The following WDR38 variants were observed in gnomAD, a reference collection of about 807,000 sequenced individuals.
WDR38 encodes the protein WD repeat domain 38, also known as WD repeat-containing protein 38.
A neutral mutation model predicts 36.6 loss-of-function variants in WDR38; 37 were observed. The observed-to-expected ratio is 1.01, with a 90% CI of 0.78 to 1.33. WDR38 has a LOEUF of 1.33. WDR38 is among the 40% of genes most tolerant of loss of function. The probability of loss-of-function intolerance (pLI) is 0.00; values close to 1 mark genes in which losing one functional copy is unlikely to be tolerated. For synonymous variants in WDR38, 164 were observed against 168.1 expected (o/e 0.98, Z 0.19); for missense variants, 411 against 414.6 (o/e 0.99, Z 0.07).
chr9:124,857,238 A>G (rs1301169372), intron 7 of WDR38, 126 bp from the exon 8 acceptor site: 2 of 1,277,882 alleles, frequency 1.6e-6, no homozygotes, highest in Middle Eastern at 2.6e-4. Flanking sequence ...GAGGTAGGTG[A>G]ATCACCTGAG....
At position 124,856,112 on chromosome 9, in the gene WDR38, C is replaced by T. The variant is rs367855694; in HGVS notation, c.406-128C>T. 2.0e-5 allele frequency: 30 copies of T among 1,520,628 alleles called. No individual in the cohort carries two copies. In the African/African-American group the frequency reaches 2.6e-4, roughly 13 times the overall value. 94.2% of individuals were successfully genotyped at this position (1,520,628 alleles called of 1,614,324 possible). A position where few individuals can be genotyped will look rare whatever the true frequency, so the allele number is the denominator to read the frequency against. ...AAGGCTGCCCCCACCTGGCCACAGC[C>T]GCCTCTCCAGGCTTCCTTGCACACA... On this transcript the variant is annotated intron_variant, in intron 4 of 8. Transcript: ENST00000373574.
rs1274848012 is a variant in WDR38, at chr9:124,855,714, G to C, written c.271G>C (p.Asp91His). ...ASCDCTVRLW[D>H]VARAKCLRVL... The stretch of plus-strand genomic sequence containing the variant: ...CTGTGACTGCACTGTCCGCCTGTGG[G>C]ATGTGGCAAGAGCGAAGTGTCTGCG... Residue 91 changes from aspartate to histidine, a missense_variant, in exon 3 of 9, where the codon GAT (aspartate) becomes CAT (histidine). Transcript: ENST00000373574. The C allele has an allele frequency of 1.9e-6, 3 of 1,613,392 alleles. No individual in the cohort carries two copies. Among genetic ancestry groups the C allele is most frequent in the Non-Finnish European group, 2.5e-6 (3 of 1,180,048 alleles).
rs1828959625 is a variant in WDR38 at position 124,853,489 on chromosome 9, G to T, written c.-43G>T. ...TGCCCAGTCCTGGGGTCCCGCGGCC[G>T]CCTAGGAGGGAGCCCGCCGGGGCGG... On this transcript the variant is annotated 5_prime_UTR_variant, in exon 1 of 9. Coordinates refer to ENST00000373574, the MANE Select transcript of WDR38 (RefSeq NM_001045476.3). The T allele has an allele frequency of 8.2e-7, 1 of 1,215,668 alleles. No homozygotes were observed. Among genetic ancestry groups the T allele is most frequent in the African/African-American group, 1.6e-5 (1 of 64,032 alleles). The allele number at this position is 1,215,668 out of a possible 1,614,324, so 75.3% of individuals were successfully genotyped here. A position where few individuals can be genotyped will look rare whatever the true frequency, so the allele number is the denominator to read the frequency against.
At chr9:124,854,513 A>AAC (rs10533023) in intron 2 of WDR38, among the ~76,000 whole-genome samples, 188 bp downstream of exon 2, 6,003 of 124,654 alleles carry the variant, frequency 0.048, 276 homozygotes, top group East Asian at 0.27. Context: ...CTTCTTTAAA[A>AAC]ACACACACAC....
At position 124,855,901 on chromosome 9, in the gene WDR38, C is replaced by T. The variant is rs753117881; in HGVS notation, c.348C>T (p.Asp116=). The stretch of plus-strand genomic sequence containing the variant: ...TGGAGACGGTCAGCTTCAGCCCTGA[C>T]TCGAGACAGCTGGCATCAGGTGGCT... ...RSVETVSFSP[D]SRQLASGGWD... The change falls in exon 4 of 9, where the codon GAC becomes GAT. Residue 116 remains aspartate, a synonymous_variant. Coordinates refer to ENST00000373574, the MANE Select transcript of WDR38 (RefSeq NM_001045476.3). 6.2e-7 allele frequency: 1 copy of T among 1,614,128 alleles called. No homozygotes were observed. Among genetic ancestry groups the T allele is most frequent in the Admixed American group, 1.7e-5 (1 of 60,032 alleles).
rs35041146 is a variant in WDR38, at chr9:124,857,346, G to GCC, written c.769-13_769-12dup. ...GTGGCCTGGTGAGGCTTCCTGACAT[G>GCC]CCCCCCTCCTTTTCCAGGTCAAAGT... On this transcript the variant is annotated splice_polypyrimidine_tract_variant and intron_variant, in intron 7 of 8. Transcript: ENST00000373574. 345 of 1,613,506 alleles carry GCC rather than the reference G, an allele frequency of 2.1e-4. 3 individuals are homozygous for GCC. In the East Asian group the frequency reaches 3.9e-3, roughly 18 times the overall value.
At position 124,857,427 on chromosome 9, in the gene WDR38, G is replaced by C. The variant is rs780897535; in HGVS notation, c.816+16G>C. Reference sequence around the variant, plus strand: ...GACCCTGAAGGTAAGGCACGGCGCTGTGGCACTGAGGAAGCTGTGGACAGC... The same window carrying C: ...GACCCTGAAGGTAAGGCACGGCGCTCTGGCACTGAGGAAGCTGTGGACAGC... On this transcript the variant is annotated intron_variant, in intron 8 of 8. Coordinates refer to ENST00000373574, the MANE Select transcript of WDR38 (RefSeq NM_001045476.3). 10 of 1,614,176 alleles carry C rather than the reference G, an allele frequency of 6.2e-6. No individual in the cohort carries two copies. Among genetic ancestry groups the C allele is most frequent in the Non-Finnish European group, 8.5e-6 (10 of 1,180,038 alleles).
chr9:124,853,576 ATTC>A lies in WDR38; in HGVS notation c.49_51del (p.Phe17del). The A allele has an allele frequency of 7.9e-7, 1 of 1,267,274 alleles. No individual in the cohort carries two copies. The highest frequency in any genetic ancestry group is 1.0e-6 in the Non-Finnish European group (1 of 999,050). The allele number at this position is 1,267,274 out of a possible 1,614,324, so 78.5% of individuals were successfully genotyped here. A position where few individuals can be genotyped will look rare whatever the true frequency, so the allele number is the denominator to read the frequency against. ...CCACGCTGGCCGTGCGGAGAGTGAA[ATTC>A]TTCGGCCAGCACGGCGGGGAGGTGA... On this transcript the variant is annotated inframe_deletion, in exon 1 of 9. Coordinates refer to ENST00000373574, the MANE Select transcript of WDR38 (RefSeq NM_001045476.3).
At position 124,854,336 on chromosome 9, in the gene WDR38, C is replaced by G. The variant is rs775795345; in HGVS notation, c.190+11C>G. 1 of 1,613,194 alleles carries G rather than the reference C, an allele frequency of 6.2e-7. No homozygotes were observed. The highest frequency in any genetic ancestry group is 1.1e-5 in the South Asian group (1 of 91,060). ...TGGGTGGCCACACAGGTGGGGCTCC[C>G]ACACCTGGCCGGGAAGACCGAGGCA... On this transcript the variant is annotated intron_variant, in intron 2 of 8. Coordinates refer to ENST00000373574, the MANE Select transcript of WDR38 (RefSeq NM_001045476.3).
rs372803147 is a variant in WDR38, at chr9:124,856,265, T to C, written c.431T>C (p.Val144Ala). The C allele has an allele frequency of 4.7e-5, 76 of 1,614,094 alleles. No individual in the cohort carries two copies. Among genetic ancestry groups the C allele is most frequent in the Middle Eastern group, 1.6e-4 (1 of 6,084 alleles). ...TCCGGCCAGATGCTGCGCCTCTTAG[T>C]TGGGCACCGTGACTCCATCCAGAGC... ...VQSGQMLRLL[V>A]GHRDSIQSSD... is the part of the protein sequence containing the mutation. The change falls in exon 5 of 9, where the codon GTT becomes GCT. Residue 144 changes from valine to alanine, a missense_variant. By Grantham distance (64) the Val-to-Ala change is moderately conservative. Transcript: ENST00000373574.
At chr9:124,854,071 C>T in intron 1 of WDR38, 134 bp from the exon 2 acceptor site, 2 of 1,438,386 alleles carry the variant, frequency 1.4e-6, no homozygotes, top group Middle Eastern at 1.9e-4. Context: ...GTCCCGGGTT[C>T]TGGGCTCTGG....
chr9:124,853,579 C>A lies in WDR38; in HGVS notation c.48C>A (p.Phe16Leu), dbSNP rs61741956. 4,441 of 1,268,716 alleles carry A rather than the reference C, an allele frequency of 3.5e-3. 134 individuals are homozygous for A. In the African/African-American group the frequency reaches 0.06, roughly 17 times the overall value. 78.6% of individuals were successfully genotyped at this position (1,268,716 alleles called of 1,614,324 possible). A position where few individuals can be genotyped will look rare whatever the true frequency, so the allele number is the denominator to read the frequency against. The change falls in exon 1 of 9, where the codon TTC becomes TTA. Residue 16 changes from phenylalanine (F) to leucine (L), a missense_variant. Phe to Leu is a conservative substitution (Grantham distance 22). Coordinates refer to ENST00000373574, the MANE Select transcript of WDR38 (RefSeq NM_001045476.3). Reference sequence around the variant, plus strand: ...CGCTGGCCGTGCGGAGAGTGAAATTCTTCGGCCAGCACGGCGGGGAGGTGA... The same window carrying A: ...CGCTGGCCGTGCGGAGAGTGAAATTATTCGGCCAGCACGGCGGGGAGGTGA... ...PATLAVRRVK[F>L]FGQHGGEVNS...
intron 7 of WDR38, 85 bp from the exon 8 acceptor site, chr9:124,857,279 A>AT: frequency 1.9e-6 from 3 of 1,565,890 alleles, no homozygotes; most frequent in Non-Finnish European, 1.8e-6. Flanking sequence ...CTCATCTCAT[A>AT]TTTTGTCTGG....
intron 5 of WDR38, 34 bp downstream of exon 5, chr9:124,856,354 GTGGCCCCATACCCACT>G (rs1829065197): frequency 1.2e-6 from 2 of 1,613,754 alleles, no homozygotes; most frequent in Non-Finnish European, 1.7e-6. Flanking sequence ...CCCCACCTCA[GTGGCCCCATACCCACT>G]TGGAGCTGAG....
At position 124,854,185 on chromosome 9, in the gene WDR38, C is replaced by G. The variant is rs950980343; in HGVS notation, c.70-20C>G. ...AGGGGTTTCTTCCCCAGAATGGGAC[C>G]GCTTTTGTGCTGTTTCTAGGTCAAC... On this transcript the variant is annotated intron_variant, in intron 1 of 8. Coordinates refer to ENST00000373574, the MANE Select transcript of WDR38 (RefSeq NM_001045476.3). The G allele has an allele frequency of 6.2e-7, 1 of 1,613,626 alleles. No homozygotes were observed. Among genetic ancestry groups the G allele is most frequent in the Non-Finnish European group, 8.5e-7 (1 of 1,179,750 alleles).
rs750200655 is a variant in WDR38, at chr9:124,854,251, G to A, written c.116G>A (p.Gly39Asp). The A allele has an allele frequency of 1.1e-5, 18 of 1,614,036 alleles. No individual in the cohort carries two copies. The highest frequency in any genetic ancestry group is 1.6e-4 in the Middle Eastern group (1 of 6,084). Residue 39 changes from glycine to aspartate, a missense_variant, in exon 2 of 9, where the codon GGC becomes GAC. By Grantham distance (94) the Gly-to-Asp change is moderately conservative. Coordinates refer to ENST00000373574, the MANE Select transcript of WDR38 (RefSeq NM_001045476.3). The stretch of plus-strand genomic sequence containing the variant: ...CCTGATGGCCAGATGCTGCTCACAG[G>A]CTCAGAAGATGGCTGCGTGTATGGC... ...FSPDGQMLLT[G>D]SEDGCVYGWE...
chr9:124,856,889 C>T lies in WDR38; in HGVS notation c.768+8C>T. The T allele has an allele frequency of 1.2e-6, 2 of 1,613,526 alleles. No individual in the cohort carries two copies. The highest frequency in any genetic ancestry group is 1.7e-6 in the Non-Finnish European group (2 of 1,180,024). On this transcript the variant is annotated splice_region_variant and intron_variant, in intron 7 of 8. Transcript: ENST00000373574. ...GCCGGCTATTCCCGCATGGTAACCA[C>T]CCCGGGCCCATCCTGCTCCTACCTA...
chr9:124,856,293 C>T lies in WDR38; in HGVS notation c.459C>T (p.Ser153=), dbSNP rs201862894. ...GGCACCGTGACTCCATCCAGAGCAGCGACTTCTCACCCACGGTGAACTGCC... is the reference window on the plus strand; with the variant it reads ...GGCACCGTGACTCCATCCAGAGCAGTGACTTCTCACCCACGGTGAACTGCC... The part of the protein sequence containing the change: ...LVGHRDSIQS[S]DFSPTVNCLA... The change falls in exon 5 of 9, where the codon AGC becomes AGT. Residue 153 remains serine, a synonymous_variant. Coordinates refer to ENST00000373574, the MANE Select transcript of WDR38 (RefSeq NM_001045476.3). 83 of 1,614,104 alleles carry T rather than the reference C, an allele frequency of 5.1e-5. No homozygotes were observed. The highest frequency in any genetic ancestry group is 6.4e-5 in the Non-Finnish European group (76 of 1,180,058).
In WDR38 at chr9:124,857,669, C is replaced by G; in HGVS notation, c.*39C>G. 2 of 1,611,482 alleles carry G rather than the reference C, an allele frequency of 1.2e-6. No homozygotes were observed. Among genetic ancestry groups the G allele is most frequent in the Non-Finnish European group, 1.7e-6 (2 of 1,179,772 alleles). The stretch of plus-strand genomic sequence containing the variant: ...AGATGGTGCCGACCTCACCCGCTCC[C>G]CTCAGTGGCGCACAGGCATGCCGCT... On this transcript the variant is annotated 3_prime_UTR_variant, in exon 9 of 9. Coordinates refer to ENST00000373574, the MANE Select transcript of WDR38 (RefSeq NM_001045476.3).
Sources: allele counts gnomAD v4.1 joint callset (sites outside exome capture counted in the v4.1 genomes callset), GRCh38; gene constraint gnomAD v4.1.1; transcripts MANE v1.5; gene names NCBI Gene and HGNC (gene_info 2026-07-23, HGNC 2026-07-21).